The following IL3RA variants were observed in gnomAD, a reference collection of about 807,000 sequenced individuals.
IL3RA encodes interleukin-3 receptor subunit alpha.
Under a neutral mutation model 52.3 loss-of-function variants are expected in IL3RA, and 73 were observed. The ratio of observed to expected loss-of-function variants is 1.40; its 90% confidence interval spans 1.16 to 1.70. IL3RA has a LOEUF of 1.70. IL3RA is among the 40% of genes most tolerant of loss of function. The probability of loss-of-function intolerance (pLI) is 0.00; values close to 1 mark genes in which losing one functional copy is unlikely to be tolerated. For synonymous variants in IL3RA, 260 were observed against 194.0 expected (o/e 1.34, Z -2.83); for missense variants, 664 against 504.4 (o/e 1.32, Z -3.03).
In IL3RA at chrX:1,381,116, T is replaced by C. The variant is rs17883884; in HGVS notation, c.1062+12T>C. 293,508 of 1,611,950 alleles carry C rather than the reference T, an allele frequency of 0.18. 27,908 individuals are homozygous for C. Among genetic ancestry groups the C allele is most frequent in the Middle Eastern group, 0.3 (1,843 of 6,052 alleles). On this transcript the variant is annotated intron_variant, in intron 11 of 11. Coordinates refer to ENST00000331035, the MANE Select transcript of IL3RA (RefSeq NM_002183.4). Reference sequence around the variant, plus strand: ...AAAACGACAAGCTGGTATGTTGTTTTTTCTGCCTTGGGACGGGTCTGGAGG... The same window carrying C: ...AAAACGACAAGCTGGTATGTTGTTTCTTCTGCCTTGGGACGGGTCTGGAGG...
chrX:1,362,833 T>G (rs2087563499), intron 8 of IL3RA, among the ~76,000 whole-genome samples: 1 of 152,054 alleles, frequency 6.6e-6, no homozygotes, highest in Non-Finnish European at 1.5e-5. Context: ...TGGAGTGCAG[T>G]GGTGCGATCT....
At chrX:1,353,668 C>T in intron 6 of IL3RA, among the ~76,000 whole-genome samples, 1 of 97,154 alleles carries the variant, frequency 1.0e-5, no homozygotes, top group East Asian at 2.4e-4. Context: ...CATGGGACCC[C>T]CCCCATCATG....
chrX:1,353,528 C>T (rs1489543064), intron 6 of IL3RA, among the ~76,000 whole-genome samples: 1 of 148,522 alleles, frequency 6.7e-6, no homozygotes, highest in Non-Finnish European at 1.5e-5. Context: ...TGGGATCCCT[C>T]ATCATTGGTT....
At chrX:1,343,638 A>G (rs1463813594) in intron 2 of IL3RA, among the ~76,000 whole-genome samples, 16 of 138,398 alleles carry the variant, frequency 1.2e-4, no homozygotes, top group Middle Eastern at 4.0e-3. Context: ...TTGCACTCCA[A>G]CCTGGGTGAC....
At position 1,352,223 on chromosome X, in the gene IL3RA, A is replaced by G; in HGVS notation, c.422A>G (p.Asn141Ser). ...GACGTCCAGTACGACCTGTACTTGA[A>G]CGTTGCCAAGTAGGTGTGCCCGTGG... ...PADVQYDLYLNVANRRQQYEC... is the reference protein window; with the variant it reads ...PADVQYDLYLSVANRRQQYEC... Residue 141 changes from asparagine (N) to serine (S), a missense_variant, in exon 5 of 12, where the codon AAC (asparagine) becomes AGC (serine). Asn to Ser is a conservative substitution (Grantham distance 46). Transcript: ENST00000331035. 6.2e-7 allele frequency: 1 copy of G among 1,613,618 alleles called. No homozygotes were observed. Among genetic ancestry groups the G allele is most frequent in the Non-Finnish European group, 8.5e-7 (1 of 1,179,758 alleles).
chrX:1,343,980 G>T, intron 2 of IL3RA, among the ~76,000 whole-genome samples: 1 of 151,722 alleles, frequency 6.6e-6, no homozygotes, highest in East Asian at 2.0e-4. Flanking sequence ...ATTTTTAGTC[G>T]CGACGGGGTT....
At chrX:1,343,674 A>AATAAT (rs1431238692) in intron 2 of IL3RA, among the ~76,000 whole-genome samples, 5 of 150,384 alleles carry the variant, frequency 3.3e-5, no homozygotes, top group African/African-American at 1.2e-4. Flanking sequence ...CTCAAAAAAA[A>AATAAT]AAAAAAAAAA....
intron 11 of IL3RA, among the ~76,000 whole-genome samples, chrX:1,381,993 G>A (rs2089199610): frequency 6.8e-6 from 1 of 147,398 alleles, no homozygotes; most frequent in Non-Finnish European, 1.5e-5. Context: ...TGCCCCGGCT[G>A]GAGTGCAATG....
At chrX:1,351,544 G>A (rs2086083817) in intron 4 of IL3RA, among the ~76,000 whole-genome samples, 1 of 151,408 alleles carries the variant, frequency 6.6e-6, no homozygotes, top group Non-Finnish European at 1.5e-5. Context: ...AGCCAGGCCG[G>A]TCTCGAACTC....
intron 1 of IL3RA, among the ~76,000 whole-genome samples, chrX:1,339,839 C>T (rs1187299027): frequency 3.3e-5 from 5 of 151,912 alleles, no homozygotes; most frequent in African/African-American, 1.2e-4. Context: ...AAGACAGCTG[C>T]CACCCCAGAG....
At chrX:1,346,570 G>A (rs2085753487) in intron 3 of IL3RA, among the ~76,000 whole-genome samples, 1 of 151,978 alleles carries the variant, frequency 6.6e-6, no homozygotes, top group Non-Finnish European at 1.5e-5. Context: ...TTGTGCCACT[G>A]CACTCCAGCC....
intron 8 of IL3RA, among the ~76,000 whole-genome samples, chrX:1,362,508 CTGTT>C (rs1380216135): frequency 6.6e-6 from 1 of 151,672 alleles, no homozygotes; most frequent in Non-Finnish European, 1.5e-5. Context: ...CTGTCTATGT[CTGTT>C]TTTCTGTCTC....
At position 1,341,633 on chromosome X, in the gene IL3RA, T is replaced by G. The variant is rs777297285; in HGVS notation, c.-38-95T>G. 1.3e-5 allele frequency: 12 copies of G among 906,286 alleles called. No homozygotes were observed. In the East Asian group the frequency reaches 2.4e-4, roughly 18 times the overall value. The allele number at this position is 906,286 out of a possible 1,614,324, so 56.1% of individuals were successfully genotyped here. The stretch of plus-strand genomic sequence containing the variant: ...CCTCCAGAAGCAGCTCCTTCTGCTG[T>G]GAGCACCAGGCTCTGGAAGGGGCAA... On this transcript the variant is annotated intron_variant, in intron 1 of 11. Coordinates refer to ENST00000331035, the MANE Select transcript of IL3RA (RefSeq NM_002183.4).
intron 3 of IL3RA, among the ~76,000 whole-genome samples, chrX:1,347,514 G>A (rs1216163130): frequency 5.9e-5 from 9 of 151,816 alleles, no homozygotes; most frequent in Admixed American, 2.0e-4. Context: ...GGCCGGGTGC[G>A]GTGGTGAGGC....
intron 6 of IL3RA, among the ~76,000 whole-genome samples, chrX:1,353,700 A>ACC (rs200747170): frequency 1.6e-5 from 1 of 63,412 alleles, no homozygotes; most frequent in Admixed American, 2.0e-4. Flanking sequence ...GGGTCATGGG[A>ACC]CCCCCCCCAA....
intron 2 of IL3RA, among the ~76,000 whole-genome samples, 164 bp from the exon 3 acceptor site, chrX:1,345,152 G>A (rs2085683651): frequency 6.7e-6 from 1 of 149,036 alleles, no homozygotes; most frequent in South Asian, 2.1e-4. Context: ...AGGGCGACAA[G>A]AGTGAAACTC....
intron 3 of IL3RA, among the ~76,000 whole-genome samples, chrX:1,348,157 A>G (rs17879827): frequency 0.18 from 27,691 of 149,840 alleles, 3,186 homozygotes; most frequent in East Asian, 0.34. Context: ...GACCAGCCTG[A>G]CCAACATGGT....
rs1290779282 is a variant in IL3RA at position 1,381,535 on chromosome X, C to G, written c.1062+431C>G. On this transcript the variant is annotated intron_variant, in intron 11 of 11. Transcript: ENST00000331035. The stretch of plus-strand genomic sequence containing the variant: ...CCGCACCCTGCACACCAGAGCAGAG[C>G]AGATTTTTTTTTTTTTTTTTAGATG... Among the ~76,000 whole-genome samples the G allele has an allele frequency of 2.7e-5, 4 of 148,464 alleles. No homozygotes were observed. In the East Asian group the frequency reaches 7.9e-4, roughly 29 times the overall value.
intron 10 of IL3RA, 98 bp from the exon 11 acceptor site, chrX:1,380,925 G>T: frequency 9.8e-7 from 1 of 1,023,202 alleles, no homozygotes; most frequent in South Asian, 1.3e-5. Context: ...TGAGTCTTTT[G>T]CTCTGTCCTG....
Sources: allele counts gnomAD v4.1 joint callset (sites outside exome capture counted in the v4.1 genomes callset), GRCh38; gene constraint gnomAD v4.1.1; transcripts MANE v1.5; gene names NCBI Gene and HGNC (gene_info 2026-07-23, HGNC 2026-07-21).